Variants in INSL6 observed in about 807,000 individuals in gnomAD.
The protein encoded by INSL6 is insulin like 6, also known as insulin-like peptide INSL6.
A neutral mutation model predicts 9.4 loss-of-function variants in INSL6; 16 were observed. That is an observed-to-expected ratio of 1.70 (90% CI 1.15 to 2.59). The LOEUF (loss-of-function observed/expected upper bound fraction) is 2.59, where lower values mean the gene tolerates loss of function less well. Ranked by LOEUF, INSL6 falls within the 30% of genes most tolerant of loss-of-function variation. INSL6 has a pLI of 0.00. For synonymous variants in INSL6, 154 were observed against 96.9 expected (o/e 1.59, Z -3.46); for missense variants, 391 against 257.3 (o/e 1.52, Z -3.56).
the INSL6 span, among the ~76,000 whole-genome samples, chr9:5,077,920 G>A: frequency 8.5e-5 from 13 of 152,084 alleles, no homozygotes; most frequent in African/African-American, 2.4e-5. Flanking sequence ...ATGAGAAAGC[G>A]GTGTTGACAG....
At chr9:5,056,012 T>A in the INSL6 span, among the ~76,000 whole-genome samples, 36 of 152,062 alleles carry the variant, frequency 2.4e-4, no homozygotes, top group African/African-American at 8.2e-4. Flanking sequence ...GTACTTTTTT[T>A]ACTCATTTTT....
the INSL6 span, chr9:5,086,098 G>C: frequency 5.4e-6 from 3 of 555,728 alleles, no homozygotes; most frequent in Admixed American, 4.6e-5. Flanking sequence ...TTCTGCCTAT[G>C]AGCCTGCGCG....
the INSL6 span, among the ~76,000 whole-genome samples, chr9:5,082,042 G>C: frequency 6.6e-6 from 1 of 152,306 alleles, no homozygotes; most frequent in Non-Finnish European, 1.5e-5. Context: ...TGAATGAAGG[G>C]GGCCAGCCCC....
chr9:5,006,071 A>C, the INSL6 span, among the ~76,000 whole-genome samples: 11 of 152,210 alleles, frequency 7.2e-5, no homozygotes, highest in Non-Finnish European at 1.6e-4. Flanking sequence ...TTGAATCTAT[A>C]AATGACCTTG....
chr9:5,085,319 C>G, the INSL6 span: 3 of 766,658 alleles, frequency 3.9e-6, no homozygotes, highest in Non-Finnish European at 2.4e-6. Context: ...AATACATCAT[C>G]TATTAGCTGA....
At chr9:5,056,180 A>C in the INSL6 span, among the ~76,000 whole-genome samples, 1 of 152,100 alleles carries the variant, frequency 6.6e-6, no homozygotes, top group Non-Finnish European at 1.5e-5. Context: ...TAAATCAATG[A>C]TGTCTGGAAT....
intron 1 of INSL6, among the ~76,000 whole-genome samples, chr9:5,179,723 T>A (rs868035759): frequency 8.5e-5 from 13 of 152,290 alleles, no homozygotes; most frequent in South Asian, 6.2e-4. Flanking sequence ...AAACCATCAT[T>A]CTCAGCAAAC....
the INSL6 span, among the ~76,000 whole-genome samples, chr9:5,105,410 C>G: frequency 6.6e-6 from 1 of 152,106 alleles, no homozygotes; most frequent in East Asian, 1.9e-4. Context: ...CAATGAAATA[C>G]AAGAGGACAC....
the INSL6 span, among the ~76,000 whole-genome samples, chr9:5,060,738 T>G: frequency 6.6e-6 from 1 of 152,250 alleles, no homozygotes; most frequent in East Asian, 1.9e-4. Flanking sequence ...TGTTAACACT[T>G]TGACCTTCTT....
At chr9:4,993,970 C>T in the INSL6 span, among the ~76,000 whole-genome samples, 1 of 152,126 alleles carries the variant, frequency 6.6e-6, no homozygotes, top group Admixed American at 6.5e-5. Flanking sequence ...ATGAGTGTGC[C>T]TTGCAGTGGG....
intron 2 of INSL6, among the ~76,000 whole-genome samples, chr9:5,152,894 G>C (rs1043915004): frequency 6.6e-6 from 1 of 152,192 alleles, no homozygotes; most frequent in African/African-American, 2.4e-5. Context: ...GCAGCCCAAG[G>C]AGGGCGAGCT....
chr9:5,098,275 G>T, the INSL6 span: 1 of 152,120 alleles, frequency 6.6e-6, no homozygotes, highest in Admixed American at 6.5e-5. Context: ...TTCTCGATAA[G>T]ATATTAGCAA....
the INSL6 span, among the ~76,000 whole-genome samples, chr9:5,005,304 GTTAT>G: frequency 6.6e-6 from 1 of 151,058 alleles, no homozygotes; most frequent in East Asian, 1.9e-4. Context: ...TTTAAATCAG[GTTAT>G]TTGTTTTCTT....
downstream of INSL6, chr9:5,163,828 A>G: frequency 1.2e-6 from 1 of 855,164 alleles, no homozygotes; most frequent in Non-Finnish European, 1.8e-6. Flanking sequence ...TTCACATCAT[A>G]TCACTTATAT....
the INSL6 span, chr9:5,098,604 A>G: frequency 6.6e-6 from 1 of 152,178 alleles, no homozygotes; most frequent in Admixed American, 6.5e-5. Context: ...AAACAGATGA[A>G]GTTAATAATC....
At chr9:5,169,474 C>A (rs1825131981) in intron 1 of INSL6, among the ~76,000 whole-genome samples, 1 of 152,114 alleles carries the variant, frequency 6.6e-6, no homozygotes, top group Admixed American at 6.5e-5. Flanking sequence ...AACAAGTCTG[C>A]AAAATAACCA....
intron 2 of INSL6, among the ~76,000 whole-genome samples, chr9:5,158,207 T>A (rs1031442862): frequency 1.8e-4 from 27 of 151,896 alleles, no homozygotes; most frequent in African/African-American, 5.8e-4. Flanking sequence ...CTCTAGAAAA[T>A]AGCCCAAAAA....
chr9:5,118,053 G>A, the INSL6 span, among the ~76,000 whole-genome samples: 2 of 152,124 alleles, frequency 1.3e-5, no homozygotes, highest in Non-Finnish European at 2.9e-5. Context: ...TTAAATAACA[G>A]CTATGTCAAT....
At chr9:5,043,120 G>C in the INSL6 span, among the ~76,000 whole-genome samples, 2 of 152,158 alleles carry the variant, frequency 1.3e-5, no homozygotes, top group African/African-American at 2.4e-5. Context: ...TAAAGCCCCC[G>C]ACCCAGCCCC....
Sources: allele counts gnomAD v4.1 joint callset (sites outside exome capture counted in the v4.1 genomes callset), GRCh38; gene constraint gnomAD v4.1.1; transcripts MANE v1.5; gene names NCBI Gene and HGNC (gene_info 2026-07-23, HGNC 2026-07-21).